Variants in ZBTB16 observed in about 807,000 individuals in gnomAD.
ZBTB16 encodes zinc finger and BTB domain-containing protein 16.
A neutral mutation model predicts 56.8 loss-of-function variants in ZBTB16; 8 were observed. The observed-to-expected ratio is 0.14, with a 90% confidence interval of 0.08 to 0.25. The LOEUF (loss-of-function observed/expected upper bound fraction) is 0.25. ZBTB16 is among the 10% of genes least tolerant of loss of function. The pLI, the probability that ZBTB16 is intolerant of heterozygous loss-of-function variation, is 1.00. For missense variants in ZBTB16, 625 were observed against 903.0 expected (o/e 0.69, Z 3.95); for synonymous variants, 363 against 368.5 (o/e 0.98, Z 0.17).
chr11:114,254,174 G>A lies in ZBTB16; in HGVS notation c.*3619G>A, dbSNP rs967312515. Among the ~76,000 whole-genome samples, 1 of 149,752 alleles carries A rather than the reference G, an allele frequency of 6.7e-6. No homozygotes were observed. The highest frequency in any genetic ancestry group is 2.4e-5 in the African/African-American group (1 of 40,914). ...TATATATAGGATAGACAAATATATA[G>A]ATATATAGATATATATATATATAGC... On this transcript the variant is annotated 3_prime_UTR_variant, in exon 7 of 7. Transcript: ENST00000335953.
intron 3 of ZBTB16, among the ~76,000 whole-genome samples, chr11:114,160,675 TA>T (rs1942563956): frequency 6.6e-6 from 1 of 152,236 alleles, no homozygotes; most frequent in Non-Finnish European, 1.5e-5. Flanking sequence ...TAAATGGTAG[TA>T]GTGAATTTCA....
At chr11:114,180,438 G>A (rs1943221770) in intron 3 of ZBTB16, among the ~76,000 whole-genome samples, 2 of 152,292 alleles carry the variant, frequency 1.3e-5, no homozygotes, top group Non-Finnish European at 1.5e-5. Flanking sequence ...GGAGGGAAGG[G>A]TTGTTTGTTG....
At chr11:114,169,570 C>T (rs1297407398) in intron 3 of ZBTB16, among the ~76,000 whole-genome samples, 1 of 152,166 alleles carries the variant, frequency 6.6e-6, no homozygotes, top group African/African-American at 2.4e-5. Flanking sequence ...AGCAACTGAA[C>T]CTAGGGCCAG....
chr11:114,247,460 C>A (rs1944837789), intron 6 of ZBTB16, 95 bp downstream of exon 6: 3 of 1,541,618 alleles, frequency 1.9e-6, no homozygotes, highest in Admixed American at 3.4e-5. Flanking sequence ...TGAGGATGAT[C>A]CCAGGCTGAA....
Position 114,184,584 on chromosome 11 carries a change from T to A in ZBTB16, c.1367-2368T>A, listed in dbSNP as rs538176833. ...GGCTCTGAAATCAGGCTGCCTGTGT[T>A]TGAATTCACCTTTACTATGTCAACC... On this transcript the variant is annotated intron_variant, in intron 3 of 6. Coordinates refer to ENST00000335953, the MANE Select transcript of ZBTB16 (RefSeq NM_006006.6). Among the ~76,000 whole-genome samples, 3 of 152,298 alleles carry A rather than the reference T, an allele frequency of 2.0e-5. No homozygotes were observed. In the South Asian group the frequency reaches 6.2e-4, roughly 32 times the overall value.
chr11:114,182,186 G>A (rs1008177690), intron 3 of ZBTB16, among the ~76,000 whole-genome samples: 3 of 152,054 alleles, frequency 2.0e-5, no homozygotes, highest in Non-Finnish European at 2.9e-5. Flanking sequence ...TGAGTAGCTG[G>A]GATTTTAAAT....
intron 2 of ZBTB16, among the ~76,000 whole-genome samples, chr11:114,067,048 C>G (rs546700672): frequency 1.6e-4 from 24 of 152,068 alleles, no homozygotes; most frequent in South Asian, 1.3e-3. Flanking sequence ...GGGATTACAG[C>G]TGTGAGCCAC....
chr11:114,159,939 G>GGC (rs1555145929), intron 3 of ZBTB16, among the ~76,000 whole-genome samples: 1 of 149,324 alleles, frequency 6.7e-6, no homozygotes, highest in Non-Finnish European at 1.5e-5. Flanking sequence ...GGGGGAGGCG[G>GGC]GGGGGAGGCG....
chr11:114,144,504 G>T (rs957665974), intron 2 of ZBTB16, among the ~76,000 whole-genome samples: 12 of 152,170 alleles, frequency 7.9e-5, no homozygotes, highest in Non-Finnish European at 1.8e-4. Context: ...AAGGAATACG[G>T]CTGACTTCTT....
In ZBTB16 at chr11:114,211,102, G is replaced by A. The variant is rs375551067; in HGVS notation, c.1453+24064G>A. On this transcript the variant is annotated intron_variant, in intron 4 of 6. Transcript: ENST00000335953. ...CCCCTAGCTAATTTTTCTATTTTTAGTAGAGACAGTGGTTTCACCATTTTG... is the reference window on the plus strand; with the variant it reads ...CCCCTAGCTAATTTTTCTATTTTTAATAGAGACAGTGGTTTCACCATTTTG... 3.4e-4 allele frequency: 54 copies of A among 159,674 alleles called. No homozygotes were observed. The East Asian group carries it at 6.2e-3, about 18-fold the overall frequency. 9.9% of individuals were successfully genotyped at this position (159,674 alleles called of 1,614,324 possible). A position where few individuals can be genotyped will look rare whatever the true frequency, so the allele number is the denominator to read the frequency against.
At chr11:114,136,915 C>T (rs1941811884) in intron 2 of ZBTB16, among the ~76,000 whole-genome samples, 1 of 152,164 alleles carries the variant, frequency 6.6e-6, no homozygotes, top group African/African-American at 2.4e-5. Context: ...TATACTCACA[C>T]TTCCTATCCC....
intron 4 of ZBTB16, among the ~76,000 whole-genome samples, chr11:114,202,037 C>T (rs1418821248): frequency 6.6e-6 from 1 of 152,206 alleles, no homozygotes; most frequent in African/African-American, 2.4e-5. Flanking sequence ...CTGGCAGGTG[C>T]CTCAGTTTCC....
intron 1 of ZBTB16, among the ~76,000 whole-genome samples, chr11:114,062,038 G>A (rs866281694): frequency 2.0e-5 from 3 of 152,032 alleles, no homozygotes; most frequent in Admixed American, 2.0e-4. Context: ...CTGTCCACCG[G>A]GCAGTTGTGG....
intron 3 of ZBTB16, among the ~76,000 whole-genome samples, chr11:114,176,040 C>T (rs145978677): frequency 2.6e-5 from 4 of 151,186 alleles, no homozygotes; most frequent in African/African-American, 9.7e-5. Flanking sequence ...TGAAATCCTC[C>T]ATGCCATATT....
At position 114,091,198 on chromosome 11, in the gene ZBTB16, A is replaced by G. The variant is rs1488381699; in HGVS notation, c.1268+26630A>G. ...ACCACCTCTCTAAAAAAATATAAAA[A>G]TTAACGGGACGTTGTGGCATGCACC... is the stretch of plus-strand genomic sequence containing the variant. On this transcript the variant is annotated intron_variant, in intron 2 of 6. Transcript: ENST00000335953. Among the ~76,000 whole-genome samples the G allele has an allele frequency of 2.6e-5, 4 of 152,262 alleles. No individual in the cohort carries two copies. In the East Asian group the frequency reaches 7.7e-4, roughly 29 times the overall value.
intron 2 of ZBTB16, among the ~76,000 whole-genome samples, chr11:114,075,957 AC>A (rs1445992426): frequency 6.6e-6 from 1 of 152,078 alleles, no homozygotes; most frequent in African/African-American, 2.4e-5. Context: ...GCAGTGTCTG[AC>A]CTCATTCTTG....
chr11:114,206,707 G>T (rs1291932276), intron 4 of ZBTB16, among the ~76,000 whole-genome samples: 1 of 152,258 alleles, frequency 6.6e-6, no homozygotes, highest in African/African-American at 2.4e-5. Flanking sequence ...TTGCTAGGGA[G>T]GAAAACATAC....
chr11:114,210,761 T>C (rs1451515402), intron 4 of ZBTB16: 1 of 217,902 alleles, frequency 4.6e-6, no homozygotes, highest in Non-Finnish European at 9.2e-6. Flanking sequence ...CTGCCAGGGC[T>C]CTTGGGGTCT....
At chr11:114,133,332 C>A (rs1033552597) in intron 2 of ZBTB16, among the ~76,000 whole-genome samples, 1 of 152,124 alleles carries the variant, frequency 6.6e-6, no homozygotes, top group Non-Finnish European at 1.5e-5. Context: ...TCAGCCCCAG[C>A]AGGGCCTGCT....
Sources: gnomAD v4.1 joint callset for allele counts (sites outside exome capture counted in the v4.1 genomes callset) on GRCh38, gnomAD v4.1.1 for gene constraint, MANE v1.5 for transcripts, NCBI Gene and HGNC (gene_info 2026-07-23, HGNC 2026-07-21) for gene names.